The following CNR2 variants were observed in gnomAD, a reference collection of about 807,000 sequenced individuals.
The protein encoded by CNR2 is cannabinoid receptor 2.
For synonymous variants in CNR2, 172 were observed against 182.2 expected, an observed-to-expected ratio of 0.94 and a Z score of 0.45; for missense variants, 379 against 439.9, an observed-to-expected ratio of 0.86 and a Z score of 1.24.
chr1:23,874,932 C>T lies in CNR2; in HGVS notation c.686G>A (p.Arg229Lys), dbSNP rs201612710. 2 of 1,612,642 alleles carry T rather than the reference C, an allele frequency of 1.2e-6. No individual in the cohort carries two copies. The highest frequency in any genetic ancestry group is 1.1e-5 in the South Asian group (1 of 90,920). Residue 229 changes from arginine (R) to lysine (K), a missense_variant, in exon 2 of 2, where the codon AGG becomes AAG. Coordinates refer to ENST00000374472, the MANE Select transcript of CNR2 (RefSeq NM_001841.3). ...CATTCGGGCCATTCCTGGCACCTGC[C>T]TGTCCTGGTGGCCAGACAAGCTGGC... Reference protein sequence around the residue: ...HVASLSGHQDRQVPGMARMRL... With the variant: ...HVASLSGHQDKQVPGMARMRL...
intron 1 of CNR2, among the ~76,000 whole-genome samples, chr1:23,894,774 AAAG>A (rs770462802): frequency 9.3e-4 from 5 of 5,400 alleles, no homozygotes; most frequent in East Asian, 1.6e-3. Flanking sequence ...TCAAAAAAAA[AAAG>A]AAAGAAAGAA....
intron 1 of CNR2, chr1:23,902,099 G>C: frequency 6.7e-7 from 1 of 1,493,492 alleles, no homozygotes; most frequent in Non-Finnish European, 9.3e-7. Flanking sequence ...ATCAGATAGA[G>C]GGCTCGCCCC....
At position 23,875,465 on chromosome 1, in the gene CNR2, G is replaced by A. The variant is rs147653938; in HGVS notation, c.153C>T (p.Asn51=). The A allele has an allele frequency of 2.9e-5, 47 of 1,614,076 alleles. No individual in the cohort carries two copies. In the Middle Eastern group the frequency reaches 4.9e-4, roughly 17 times the overall value. ...TLLGLLSALE[N]VAVLYLILSS... ...ACAGGATCAGATAGAGCACAGCCAC[G>A]TTCTCCAGGGCACTTAGCAGGCCCA... The change falls in exon 2 of 2, where the codon AAC becomes AAT. Residue 51 remains asparagine, a synonymous_variant. Coordinates refer to ENST00000374472, the MANE Select transcript of CNR2 (RefSeq NM_001841.3).
intron 1 of CNR2, among the ~76,000 whole-genome samples, chr1:23,909,740 G>A (rs1028492824): frequency 2.4e-4 from 37 of 152,098 alleles, no homozygotes; most frequent in Admixed American, 9.2e-4. Flanking sequence ...GGTTGTCCAT[G>A]TGATGGCATC....
At chr1:23,909,183 A>G (rs990600349) in intron 1 of CNR2, among the ~76,000 whole-genome samples, 1 of 151,792 alleles carries the variant, frequency 6.6e-6, no homozygotes, top group African/African-American at 2.4e-5. Context: ...CCCTAACTCC[A>G]CTATGCAGTT....
At chr1:23,895,523 T>G (rs1640265901) in intron 1 of CNR2, among the ~76,000 whole-genome samples, 1 of 152,122 alleles carries the variant, frequency 6.6e-6, no homozygotes, top group South Asian at 2.1e-4. Context: ...TCTCTCTTTT[T>G]TTGAGACAGA....
intron 1 of CNR2, among the ~76,000 whole-genome samples, chr1:23,910,492 T>C (rs1640564711): frequency 6.7e-6 from 1 of 150,318 alleles, no homozygotes; most frequent in East Asian, 1.9e-4. Flanking sequence ...CCATCCCTAC[T>C]AAAAATACAA....
chr1:23,883,038 A>G (rs1353724197), intron 1 of CNR2, among the ~76,000 whole-genome samples: 1 of 152,190 alleles, frequency 6.6e-6, no homozygotes, highest in African/African-American at 2.4e-5. Flanking sequence ...TATAAAATAG[A>G]TGACCACAGG....
chr1:23,901,037 TTTC>T (rs1490304432), intron 1 of CNR2, among the ~76,000 whole-genome samples: 1 of 6,088 alleles, frequency 1.6e-4, no homozygotes, highest in Non-Finnish European at 3.5e-3. Flanking sequence ...TCAGTAACTC[TTTC>T]TTTTTTTAAT....
At chr1:23,910,507 AGCCGGGCGTGGTGGT>A (rs1203506873) in intron 1 of CNR2, among the ~76,000 whole-genome samples, 1 of 151,850 alleles carries the variant, frequency 6.6e-6, no homozygotes, top group African/African-American at 2.4e-5. Flanking sequence ...ATACAAAATT[AGCCGGGCGTGGTGGT>A]GCATGCCTGT....
intron 1 of CNR2, among the ~76,000 whole-genome samples, chr1:23,903,788 A>G (rs546875410): frequency 6.6e-6 from 1 of 152,236 alleles, no homozygotes; most frequent in South Asian, 2.1e-4. Flanking sequence ...TCCTCACAGT[A>G]AGTCAGGAAG....
In CNR2 at chr1:23,875,012, A is replaced by G. The variant is rs1209223384; in HGVS notation, c.606T>C (p.Phe202=). The change falls in exon 2 of 2, where the codon TTT becomes TTC. Residue 202 remains phenylalanine (F), a synonymous_variant. Transcript: ENST00000374472. ...GCCCATAGGTGTAGATGATTCCGGA[A>G]AAGAGGAAGGCGATGAACAGGAGCC... ...LSWLLFIAFL[F]SGIIYTYGHV... 6.2e-7 allele frequency: 1 copy of G among 1,609,230 alleles called. No homozygotes were observed.
At chr1:23,900,302 T>G (rs9424401) in intron 1 of CNR2, among the ~76,000 whole-genome samples, 149,160 of 152,090 alleles carry the variant, frequency 0.98, 73,208 homozygotes, top group East Asian at 1. Flanking sequence ...TGAATGCTGG[T>G]GGAGACTGAT....
At chr1:23,893,548 G>A (rs967463960) in intron 1 of CNR2, among the ~76,000 whole-genome samples, 1 of 152,218 alleles carries the variant, frequency 6.6e-6, no homozygotes, top group African/African-American at 2.4e-5. Context: ...ACTATCAAGA[G>A]TGTTGGATGT....
chr1:23,907,427 CAA>C lies in CNR2; in HGVS notation c.-46+5817_-46+5818del, dbSNP rs1370945105. ...TTGTCTCAAAAAAAAAAAAAAAAAA[CAA>C]GAGAAAAAAGAAGAATCTTGAAGCA... On this transcript the variant is annotated intron_variant, in intron 1 of 1. Transcript: ENST00000374472. 4.5e-3 allele frequency among the ~76,000 whole-genome samples: 577 copies of C among 128,174 alleles called. 3 individuals carry two copies. The highest frequency in any genetic ancestry group is 0.015 in the African/African-American group (519 of 35,530). The allele number at this position is 128,174 out of a possible 152,430, so 84.1% of individuals were successfully genotyped here. A position where few individuals can be genotyped will look rare whatever the true frequency, so the allele number is the denominator to read the frequency against.
At chr1:23,888,162 G>A (rs28546382) in intron 1 of CNR2, among the ~76,000 whole-genome samples, 4,913 of 152,210 alleles carry the variant, frequency 0.032, 255 homozygotes, top group African/African-American at 0.11. Context: ...CATGTCCACT[G>A]AGCCAGTGTA....
intron 1 of CNR2, among the ~76,000 whole-genome samples, chr1:23,912,489 C>A (rs1219518878): frequency 1.3e-5 from 2 of 152,250 alleles, no homozygotes; most frequent in African/African-American, 4.8e-5. Context: ...GGCCGCGAAG[C>A]CGGAGTGCCT....
intron 1 of CNR2, among the ~76,000 whole-genome samples, chr1:23,910,654 C>CAAAA (rs34083515): frequency 1.2e-3 from 39 of 31,976 alleles, no homozygotes; most frequent in African/African-American, 3.1e-3. Context: ...AACGCTGTCT[C>CAAAA]AAAAAAAAAA....
intron 1 of CNR2, among the ~76,000 whole-genome samples, chr1:23,898,404 T>G (rs1364051284): frequency 1.5e-5 from 2 of 130,358 alleles, no homozygotes; most frequent in African/African-American, 3.0e-5. Context: ...TGCAGTGGTA[T>G]GATCTCAGCT....
Sources: allele counts gnomAD v4.1 joint callset (sites outside exome capture counted in the v4.1 genomes callset), GRCh38; gene constraint gnomAD v4.1.1; transcripts MANE v1.5; gene names NCBI Gene and HGNC (gene_info 2026-07-23, HGNC 2026-07-21).